ATAD5: variants seen among roughly 807,000 people sequenced by gnomAD.
The protein encoded by ATAD5 is ATPase family AAA domain containing 5, also known as ATPase family AAA domain-containing protein 5.
ATAD5 carries 58 observed loss-of-function variants against 176.9 expected under a neutral mutation model. That is an observed-to-expected ratio of 0.33 (90% CI 0.27 to 0.41). The LOEUF (loss-of-function observed/expected upper bound fraction) is 0.41, where lower values mean the gene tolerates loss of function less well. Ranked by LOEUF, ATAD5 falls within the 10% of genes least tolerant of loss-of-function variation. The pLI is 1.00. For synonymous variants in ATAD5, 640 were observed against 712.6 expected (o/e 0.90, Z 1.62); for missense variants, 1,789 against 2,094.1 (o/e 0.85, Z 2.84).
rs764432631 is a variant in ATAD5 at position 30,834,507 on chromosome 17, A to G, written c.426A>G (p.Lys142=). 1 of 1,585,556 alleles carries G rather than the reference A, an allele frequency of 6.3e-7. No homozygotes were observed. Among genetic ancestry groups the G allele is most frequent in the Non-Finnish European group, 8.5e-7 (1 of 1,171,618 alleles). The change falls in exon 2 of 23, where the codon AAA becomes AAG. Residue 142 remains lysine, a synonymous_variant. Transcript: ENST00000321990. Reference sequence around the variant, plus strand: ...TTGAAATTAGTAGCGACGATAGCAAAGAAGACTATAGTTTAAATAATGATT... The same window carrying G: ...TTGAAATTAGTAGCGACGATAGCAAGGAAGACTATAGTTTAAATAATGATT... ...APIEISSDDS[K]EDYSLNNDFV... is the part of the protein sequence containing the mutation.
At position 30,890,298 on chromosome 17, in the gene ATAD5, T is replaced by C. The variant is rs569228339; in HGVS notation, c.4259-2309T>C. On this transcript the variant is annotated intron_variant, in intron 19 of 22. Transcript: ENST00000321990. The stretch of plus-strand genomic sequence containing the variant: ...TATAATACATAACACATGGAAAATA[T>C]CCTGGTGTAACAAATTAGTTAATAA... Among the ~76,000 whole-genome samples, 778 of 152,256 alleles carry C rather than the reference T, an allele frequency of 5.1e-3. 6 individuals are homozygous for C. The highest frequency in any genetic ancestry group is 0.01 in the Middle Eastern group (3 of 294).
At chr17:30,877,315 A>T in intron 15 of ATAD5, 101 bp from the exon 16 acceptor site, 1 of 855,618 alleles carries the variant, frequency 1.2e-6, no homozygotes. Context: ...GTCCTGTTTC[A>T]GTTTTGATAA....
chr17:30,869,734 AT>A, intron 14 of ATAD5, 88 bp downstream of exon 14: 1 of 1,427,212 alleles, frequency 7.0e-7, no homozygotes. Flanking sequence ...TTTGCCATTT[AT>A]TTTTTATCTT....
intron 8 of ATAD5, among the ~76,000 whole-genome samples, 194 bp downstream of exon 8, chr17:30,857,306 C>T (rs1000578402): frequency 6.6e-6 from 1 of 151,864 alleles, no homozygotes; most frequent in African/African-American, 2.4e-5. Context: ...GCAACCTCTG[C>T]TTCCCGAGTT....
rs189824545 is a variant in ATAD5 at position 30,874,098 on chromosome 17, G to A, written c.3608-2276G>A. 2.7e-3 allele frequency among the ~76,000 whole-genome samples: 413 copies of A among 152,040 alleles called. 5 individuals are homozygous for A. The highest frequency in any genetic ancestry group is 0.019 in the South Asian group (90 of 4,816). ...GAGAATTGCTTGAACTTGGGAGGTG[G>A]AGGTTACAGTGAGCTGAGATTGTGC... On this transcript the variant is annotated intron_variant, in intron 14 of 22. Coordinates refer to ENST00000321990, the MANE Select transcript of ATAD5 (RefSeq NM_024857.5).
At position 30,894,071 on chromosome 17, in the gene ATAD5, G is replaced by A. The variant is rs1465918673; in HGVS notation, c.5218G>A (p.Asp1740Asn). 1 of 1,609,708 alleles carries A rather than the reference G, an allele frequency of 6.2e-7. No individual in the cohort carries two copies. The highest frequency in any genetic ancestry group is 8.5e-7 in the Non-Finnish European group (1 of 1,176,892). The stretch of plus-strand genomic sequence containing the variant: ...GAATTCTTGCAAGAAATTAGGAAGA[G>A]ATCCAACCAACGATCTTACTTTTTA... The part of the protein sequence containing the change: ...TLNSCKKLGR[D>N]PTNDLTFYVS... Residue 1740 changes from aspartate (D) to asparagine (N), a missense_variant, in exon 21 of 23, where the codon GAT (aspartate) becomes AAT (asparagine). Physicochemically the swap from Asp to Asn is conservative, Grantham distance 23. This residue lies in a region of ATAD5 where 403 missense variants were observed against 495.1 expected (regional missense o/e 0.81). Transcript: ENST00000321990.
intron 15 of ATAD5, 41 bp from the exon 16 acceptor site, chr17:30,877,375 A>C (rs772820498): frequency 3.7e-6 from 5 of 1,341,948 alleles, no homozygotes; most frequent in Admixed American, 4.3e-5. Flanking sequence ...GTCTTAGCAA[A>C]AGTTGATTTT....
At chr17:30,863,435 C>T (rs1190404198) in intron 10 of ATAD5, among the ~76,000 whole-genome samples, 10 of 151,196 alleles carry the variant, frequency 6.6e-5, no homozygotes, top group African/African-American at 1.7e-4. Flanking sequence ...GGCGCGATCT[C>T]GGCTCACTGC....
intron 4 of ATAD5, among the ~76,000 whole-genome samples, chr17:30,841,028 A>G (rs1906079102): frequency 6.8e-6 from 1 of 147,440 alleles, no homozygotes; most frequent in South Asian, 2.1e-4. Context: ...TTTTTTTTTG[A>G]GACAGAGTTT....
At chr17:30,884,810 C>T (rs1250455595) in intron 18 of ATAD5, among the ~76,000 whole-genome samples, 1 of 143,308 alleles carries the variant, frequency 7.0e-6, no homozygotes, top group South Asian at 2.2e-4. Flanking sequence ...TGCAGTGGTG[C>T]AATCTCGGCT....
intron 18 of ATAD5, among the ~76,000 whole-genome samples, chr17:30,886,020 A>T (rs553435216): frequency 1.3e-5 from 2 of 152,002 alleles, no homozygotes; most frequent in East Asian, 1.9e-4. Context: ...ATCTATCTCT[A>T]TGGTGAATTA....
intron 14 of ATAD5, among the ~76,000 whole-genome samples, chr17:30,875,815 T>C (rs573644285): frequency 1.7e-4 from 24 of 138,828 alleles, no homozygotes; most frequent in Non-Finnish European, 2.8e-4. Flanking sequence ...AAAAAATGTG[T>C]GTTTCTTTGG....
chr17:30,848,563 C>A (rs1010561034), intron 6 of ATAD5, among the ~76,000 whole-genome samples: 1 of 152,058 alleles, frequency 6.6e-6, no homozygotes, highest in African/African-American at 2.4e-5. Flanking sequence ...AAGGTCAATT[C>A]TATCAATTCA....
chr17:30,832,810 A>G (rs529759490), intron 1 of ATAD5, among the ~76,000 whole-genome samples: 2 of 152,356 alleles, frequency 1.3e-5, no homozygotes, highest in South Asian at 4.1e-4. Flanking sequence ...AAACTAGTTC[A>G]TACATCCACC....
At chr17:30,842,723 C>T (rs1318234220) in intron 4 of ATAD5, among the ~76,000 whole-genome samples, 2 of 152,064 alleles carry the variant, frequency 1.3e-5, no homozygotes, top group East Asian at 3.9e-4. Flanking sequence ...AAATTTTCTG[C>T]ATATGAATAC....
intron 3 of ATAD5, among the ~76,000 whole-genome samples, chr17:30,838,567 C>T (rs930873338): frequency 6.6e-6 from 1 of 152,106 alleles, no homozygotes; most frequent in East Asian, 1.9e-4. Flanking sequence ...GTTAGAAAGA[C>T]GGTCTTTAGT....
chr17:30,836,176 A>AT, intron 2 of ATAD5, 128 bp downstream of exon 2: 1 of 824,032 alleles, frequency 1.2e-6, no homozygotes. Context: ...AAAGAACAGG[A>AT]TTTCTTTTTT....
In ATAD5 at chr17:30,878,062, A is replaced by G; in HGVS notation, c.3978A>G (p.Ala1326=). 2 of 1,611,764 alleles carry G rather than the reference A, an allele frequency of 1.2e-6. No individual in the cohort carries two copies. Among genetic ancestry groups the G allele is most frequent in the South Asian group, 2.2e-5 (2 of 90,648 alleles). ...GFLNAIKTFM[A]TTKRPVILTT... is the part of the protein sequence containing the mutation. The stretch of plus-strand genomic sequence containing the variant: ...TGAATGCAATCAAAACATTCATGGC[A>G]ACAACTAAACGACCTGTAATCCTTA... The change falls in exon 17 of 23, where the codon GCA becomes GCG. Residue 1326 remains alanine, a synonymous_variant. Coordinates refer to ENST00000321990, the MANE Select transcript of ATAD5 (RefSeq NM_024857.5).
At chr17:30,873,467 G>A (rs913860853) in intron 14 of ATAD5, among the ~76,000 whole-genome samples, 26 of 151,682 alleles carry the variant, frequency 1.7e-4, no homozygotes, top group African/African-American at 5.6e-4. Flanking sequence ...ACAGGTGTGC[G>A]CCACCATGCC....
Sources: allele counts gnomAD v4.1 joint callset (sites outside exome capture counted in the v4.1 genomes callset), GRCh38; gene constraint gnomAD v4.1.1; regional missense constraint gnomAD v4.1.1; transcripts MANE v1.5; gene names NCBI Gene and HGNC (gene_info 2026-07-23, HGNC 2026-07-21).